The following FTO variants were observed in gnomAD, a reference collection of about 807,000 sequenced individuals.
FTO encodes the protein FTO alpha-ketoglutarate dependent dioxygenase.
FTO carries 47 observed loss-of-function variants against 63.9 expected under a neutral mutation model. That is an observed-to-expected ratio of 0.74 (90% CI 0.58 to 0.94). The LOEUF is 0.94. Ranked by LOEUF, FTO falls within the 40% of genes least tolerant of loss-of-function variation. FTO has a pLI of 0.00. For synonymous variants in FTO, 207 were observed against 224.4 expected (o/e 0.92, Z 0.69); for missense variants, 562 against 618.1 (o/e 0.91, Z 0.96).
chr16:54,011,473 A>T (rs758475667), intron 8 of FTO, among the ~76,000 whole-genome samples: 1 of 152,216 alleles, frequency 6.6e-6, no homozygotes, highest in Non-Finnish European at 1.5e-5. Context: ...ATACCAGGTC[A>T]TATCCATCAT....
intron 1 of FTO, among the ~76,000 whole-genome samples, chr16:53,783,403 C>G (rs796472531): frequency 6.6e-6 from 1 of 151,760 alleles, no homozygotes; most frequent in African/African-American, 2.4e-5. Context: ...ACGAGGAGAT[C>G]GAGGCCATCC....
intron 8 of FTO, among the ~76,000 whole-genome samples, chr16:54,019,584 A>G (rs35243745): frequency 1.0e-3 from 152 of 152,202 alleles, no homozygotes; most frequent in Non-Finnish European, 1.5e-3. Context: ...CTAAAAACCT[A>G]TCTCAGTGTT....
intron 8 of FTO, among the ~76,000 whole-genome samples, chr16:54,082,289 C>T (rs1056029693): frequency 1.4e-4 from 22 of 152,140 alleles, no homozygotes; most frequent in African/African-American, 5.3e-4. Flanking sequence ...ATCCCAATTC[C>T]ACTTGATTCT....
intron 8 of FTO, among the ~76,000 whole-genome samples, chr16:53,968,907 T>A (rs1420701112): frequency 1.3e-5 from 2 of 152,194 alleles, no homozygotes; most frequent in Non-Finnish European, 2.9e-5. Context: ...TACAGCACAT[T>A]CAAACTCCTT....
intron 8 of FTO, among the ~76,000 whole-genome samples, chr16:54,006,789 G>A (rs1023498109): frequency 6.6e-6 from 1 of 152,232 alleles, no homozygotes; most frequent in African/African-American, 2.4e-5. Context: ...CCAAGTGAGC[G>A]ATTGATGAAA....
intron 3 of FTO, among the ~76,000 whole-genome samples, chr16:53,843,297 T>C (rs1051835541): frequency 6.6e-6 from 1 of 152,208 alleles, no homozygotes; most frequent in Non-Finnish European, 1.5e-5. Flanking sequence ...GTAATTTTGA[T>C]AGTATTGCCA....
At chr16:53,721,719 T>C (rs2076046253) in intron 1 of FTO, among the ~76,000 whole-genome samples, 1 of 152,172 alleles carries the variant, frequency 6.6e-6, no homozygotes, top group Non-Finnish European at 1.5e-5. Flanking sequence ...AGTGATAGTA[T>C]TTTCTGGGTA....
At chr16:53,856,602 T>G (rs2080004964) in intron 4 of FTO, among the ~76,000 whole-genome samples, 1 of 151,956 alleles carries the variant, frequency 6.6e-6, no homozygotes. Flanking sequence ...ATACAAAAAT[T>G]AGCTGAGTGT....
In FTO at chr16:54,001,378, T is replaced by G. The variant is rs879886711; in HGVS notation, c.1364+67269T>G. 2.0e-5 allele frequency among the ~76,000 whole-genome samples: 3 copies of G among 152,166 alleles called. No individual in the cohort carries two copies. The East Asian group carries it at 5.8e-4, about 29-fold the overall frequency. ...CTCAGAGGGTGGTATCTTCGTCTTC[T>G]GAGTATGATTCCGTACCATGAATAT... On this transcript the variant is annotated intron_variant, in intron 8 of 8. Transcript: ENST00000471389.
intron 1 of FTO, among the ~76,000 whole-genome samples, chr16:53,741,892 G>C (rs1479106514): frequency 6.6e-6 from 1 of 152,154 alleles, no homozygotes; most frequent in Non-Finnish European, 1.5e-5. Flanking sequence ...CTGGGGTGGA[G>C]GGGATCTGAT....
intron 8 of FTO, among the ~76,000 whole-genome samples, chr16:54,041,558 G>A (rs1599258969): frequency 6.6e-6 from 1 of 152,068 alleles, no homozygotes; most frequent in Admixed American, 6.5e-5. Flanking sequence ...TCTCATATAG[G>A]TCTAAGGAAG....
chr16:53,862,273 C>T (rs1177111282), intron 4 of FTO, among the ~76,000 whole-genome samples: 2 of 151,854 alleles, frequency 1.3e-5, no homozygotes, highest in Non-Finnish European at 2.9e-5. Flanking sequence ...AACAAAAAAA[C>T]CACCACCAAC....
rs1030515042 is a variant in FTO, at chr16:54,118,537, G to A, written c.*6622G>A. ...ACCACATCCGGCTAATTTTTTTGTA[G>A]AGACAGGATTTCACCACATTACACA... On this transcript the variant is annotated 3_prime_UTR_variant, in exon 9 of 9. Transcript: ENST00000471389. 9 of 151,900 alleles carry A rather than the reference G, an allele frequency of 5.9e-5. No homozygotes were observed. Among genetic ancestry groups the A allele is most frequent in the African/African-American group, 2.2e-4 (9 of 41,342 alleles). 9.4% of individuals were successfully genotyped at this position (151,900 alleles called of 1,614,324 possible). A position where few individuals can be genotyped will look rare whatever the true frequency, so the allele number is the denominator to read the frequency against.
At chr16:54,067,084 G>A (rs1323570059) in intron 8 of FTO, among the ~76,000 whole-genome samples, 2 of 151,094 alleles carry the variant, frequency 1.3e-5, no homozygotes, top group African/African-American at 2.4e-5. Flanking sequence ...ATTTTTAATT[G>A]TCTTACCTCT....
intron 1 of FTO, chr16:53,764,028 T>C (rs2077132125): frequency 2.6e-5 from 4 of 152,228 alleles, no homozygotes. Context: ...AACCTAAGAC[T>C]CAATTTTTTC....
At chr16:53,917,207 C>G (rs983875149) in intron 7 of FTO, among the ~76,000 whole-genome samples, 1 of 152,164 alleles carries the variant, frequency 6.6e-6, no homozygotes, top group African/African-American at 2.4e-5. Context: ...GCTGAAGATA[C>G]CAACCTGCCG....
Position 53,986,117 on chromosome 16 carries a change from C to G in FTO, c.1364+52008C>G, listed in dbSNP as rs141976493. ...TCCTGCTCTAAATCCTTTGCTTCTA[C>G]TGATAGACTATTCTACTTTCGAAAT... On this transcript the variant is annotated intron_variant, in intron 8 of 8. Transcript: ENST00000471389. 3.4e-3 allele frequency among the ~76,000 whole-genome samples: 517 copies of G among 152,298 alleles called. 7 individuals carry two copies. The highest frequency in any genetic ancestry group is 0.012 in the African/African-American group (494 of 41,554).
chr16:54,004,931 A>G (rs7499505), intron 8 of FTO, among the ~76,000 whole-genome samples: 4,111 of 152,034 alleles, frequency 0.027, 197 homozygotes, highest in African/African-American at 0.094. Context: ...TTAGCCGGGC[A>G]TGGTGGCAGG....
chr16:53,956,682 G>C (rs1215124327), intron 8 of FTO: 1 of 148,382 alleles, frequency 6.7e-6, no homozygotes, highest in East Asian at 2.0e-4. Context: ...TTATTTTTTA[G>C]ATGGAGTTTC....
Sources: gnomAD v4.1 joint callset for allele counts (sites outside exome capture counted in the v4.1 genomes callset) on GRCh38, gnomAD v4.1.1 for gene constraint, MANE v1.5 for transcripts, NCBI Gene and HGNC (gene_info 2026-07-23, HGNC 2026-07-21) for gene names.